The following ERBB4 variants were observed in gnomAD, a reference collection of about 807,000 sequenced individuals.
The protein encoded by ERBB4 is receptor tyrosine-protein kinase erbB-4.
ERBB4 carries 42 observed loss-of-function variants against 158.0 expected under a neutral mutation model. The observed-to-expected ratio is 0.27, with a 90% CI of 0.21 to 0.34. The LOEUF is 0.34. Ranked by LOEUF, ERBB4 falls within the 10% of genes least tolerant of loss-of-function variation. The pLI, the probability that ERBB4 is intolerant of heterozygous loss-of-function variation, is 1.00. For missense variants in ERBB4, 1,333 were observed against 1,624.1 expected, an observed-to-expected ratio of 0.82 and a Z score of 3.08; for synonymous variants, 583 against 558.7, an observed-to-expected ratio of 1.04 and a Z score of -0.61.
intron 1 of ERBB4, among the ~76,000 whole-genome samples, chr2:212,488,362 T>G (rs925142960): frequency 6.6e-6 from 1 of 151,692 alleles, no homozygotes; most frequent in Non-Finnish European, 1.5e-5. Context: ...CACAATATGC[T>G]AAAAATAACA....
intron 4 of ERBB4, among the ~76,000 whole-genome samples, chr2:211,768,814 T>C (rs1205187447): frequency 1.3e-5 from 2 of 152,224 alleles, no homozygotes; most frequent in Non-Finnish European, 2.9e-5. Context: ...ACCTCTGACA[T>C]GCCCTGGAGA....
At chr2:211,853,732 G>GT (rs2077777649) in intron 3 of ERBB4, among the ~76,000 whole-genome samples, 1 of 151,982 alleles carries the variant, frequency 6.6e-6, no homozygotes, top group Middle Eastern at 3.4e-3. Context: ...AAATATATGT[G>GT]TTTTTTTCTA....
intron 3 of ERBB4, among the ~76,000 whole-genome samples, chr2:211,837,639 G>A (rs769278149): frequency 3.3e-5 from 5 of 152,146 alleles, no homozygotes; most frequent in Admixed American, 2.0e-4. Context: ...GCTTGGGCAA[G>A]TTATTTAACT....
rs112117434 is a variant in ERBB4, at chr2:211,554,108, C to T, written c.2487+7795G>A. On this transcript the variant is annotated intron_variant, in intron 20 of 27. Transcript: ENST00000342788. ...ATGCTCCCCTTCAGTCCTCTAATTC[C>T]GGAGTGCCGTTGAAGAAGAGCAGGT... Among the ~76,000 whole-genome samples, 300 of 152,236 alleles carry T rather than the reference C, an allele frequency of 2.0e-3. 1 individual carries two copies. The highest frequency in any genetic ancestry group is 6.9e-3 in the African/African-American group (287 of 41,552).
At chr2:212,343,902 A>G (rs1163047856) in intron 1 of ERBB4, among the ~76,000 whole-genome samples, 1 of 152,140 alleles carries the variant, frequency 6.6e-6, no homozygotes, top group Non-Finnish European at 1.5e-5. Context: ...ATAGGAACTC[A>G]TTTCTTACAA....
Position 212,119,819 on chromosome 2 carries a change from C to G in ERBB4, c.234+4933G>C, listed in dbSNP as rs559038416. On this transcript the variant is annotated intron_variant, in intron 2 of 27. Transcript: ENST00000342788. ...TAATAAAAGCGTCTTGAAAAGAATG[C>G]ATTTAAAAGCATTTCAACAAAATGT... Among the ~76,000 whole-genome samples the G allele has an allele frequency of 7.9e-5, 12 of 152,144 alleles. No individual in the cohort carries two copies. The East Asian group carries it at 2.3e-3, about 29-fold the overall frequency.
chr2:211,470,503 A>G (rs1161604381), intron 20 of ERBB4, among the ~76,000 whole-genome samples: 1 of 152,184 alleles, frequency 6.6e-6, no homozygotes, highest in Non-Finnish European at 1.5e-5. Context: ...AAAAACTGAA[A>G]TCAGCAATAG....
At chr2:211,656,719 T>A (rs958080777) in intron 16 of ERBB4, among the ~76,000 whole-genome samples, 9 of 152,212 alleles carry the variant, frequency 5.9e-5, no homozygotes, top group African/African-American at 9.6e-5. Flanking sequence ...AATGGAATCA[T>A]GCAGTATGTA....
chr2:211,992,565 GAGA>G (rs1448034483), intron 2 of ERBB4, among the ~76,000 whole-genome samples: 13 of 122,634 alleles, frequency 1.1e-4, no homozygotes, highest in Admixed American at 3.4e-4. Context: ...GAGAGAGAGA[GAGA>G]AAAAAAAAAA....
At chr2:212,081,854 A>AT (rs1193849683) in intron 2 of ERBB4, among the ~76,000 whole-genome samples, 1 of 152,102 alleles carries the variant, frequency 6.6e-6, no homozygotes, top group Non-Finnish European at 1.5e-5. Flanking sequence ...TGTAACATTA[A>AT]TTTTTACAGG....
At chr2:212,032,137 G>A (rs2076918047) in intron 2 of ERBB4, among the ~76,000 whole-genome samples, 1 of 152,152 alleles carries the variant, frequency 6.6e-6, no homozygotes, top group Admixed American at 6.6e-5. Flanking sequence ...ATGCAATGTT[G>A]ATGCAGGCCT....
chr2:211,900,030 C>A (rs2079192417), intron 3 of ERBB4, among the ~76,000 whole-genome samples: 1 of 152,126 alleles, frequency 6.6e-6, no homozygotes, highest in Admixed American at 6.6e-5. Context: ...TGCCACTCTT[C>A]CATCAGTAGA....
chr2:212,208,806 C>T (rs967396022), intron 1 of ERBB4, among the ~76,000 whole-genome samples: 5 of 152,124 alleles, frequency 3.3e-5, no homozygotes, highest in African/African-American at 7.2e-5. Context: ...AGGCAAAGAA[C>T]GTATCTAACC....
intron 1 of ERBB4, among the ~76,000 whole-genome samples, chr2:212,244,218 AAAAT>A (rs2084226532): frequency 3.3e-5 from 5 of 152,286 alleles, no homozygotes; most frequent in Admixed American, 3.3e-4. Flanking sequence ...TATGTGGAAG[AAAAT>A]AAATAATGAA....
chr2:211,390,574 G>A (rs1468738539), intron 25 of ERBB4, among the ~76,000 whole-genome samples: 3 of 152,202 alleles, frequency 2.0e-5, no homozygotes, highest in African/African-American at 7.2e-5. Flanking sequence ...TTCTTCATCA[G>A]GGAACAGTTT....
At chr2:212,028,902 A>G (rs1242037987) in intron 2 of ERBB4, among the ~76,000 whole-genome samples, 1 of 152,078 alleles carries the variant, frequency 6.6e-6, no homozygotes, top group East Asian at 1.9e-4. Flanking sequence ...TTAGTGAAGT[A>G]GGAGGCAGGA....
At chr2:212,015,188 C>G (rs1202015774) in intron 2 of ERBB4, among the ~76,000 whole-genome samples, 2 of 147,212 alleles carry the variant, frequency 1.4e-5, no homozygotes, top group African/African-American at 2.5e-5. Flanking sequence ...ATGGGGTGAA[C>G]CCAGCAGACA....
chr2:212,508,863 G>A (rs1214003172), intron 1 of ERBB4, among the ~76,000 whole-genome samples: 1 of 151,824 alleles, frequency 6.6e-6, no homozygotes, highest in African/African-American at 2.4e-5. Flanking sequence ...TGCTTTTATT[G>A]CATCTCCAAA....
chr2:211,473,681 G>A (rs540607303), intron 20 of ERBB4, among the ~76,000 whole-genome samples: 6 of 152,120 alleles, frequency 3.9e-5, no homozygotes, highest in African/African-American at 1.4e-4. Context: ...GGAACCAAAT[G>A]TTTACAGCCT....
Sources: allele counts gnomAD v4.1 joint callset (sites outside exome capture counted in the v4.1 genomes callset), GRCh38; gene constraint gnomAD v4.1.1; transcripts MANE v1.5; gene names NCBI Gene and HGNC (gene_info 2026-07-23, HGNC 2026-07-21).